The following CCSER1 variants were observed in gnomAD, a reference collection of about 807,000 sequenced individuals.
CCSER1 encodes the protein coiled-coil serine rich protein 1, also known as serine-rich coiled-coil domain-containing protein 1.
CCSER1 carries 41 observed loss-of-function variants against 82.0 expected under a neutral mutation model. The observed-to-expected ratio is 0.50, with a 90% CI of 0.39 to 0.65. The LOEUF is 0.65. CCSER1 is among the 30% of genes least tolerant of loss of function. CCSER1 has a pLI of 0.00. For missense variants in CCSER1, 1,119 were observed against 1,064.2 expected, an observed-to-expected ratio of 1.05 and a Z score of -0.72; for synonymous variants, 414 against 383.9, an observed-to-expected ratio of 1.08 and a Z score of -0.92.
chr4:91,518,032 T>C (rs763254474), intron 10 of CCSER1, among the ~76,000 whole-genome samples: 5 of 152,316 alleles, frequency 3.3e-5, no homozygotes, highest in Non-Finnish European at 7.3e-5. Flanking sequence ...TCCTCATGTT[T>C]GCAGCCATGC....
At chr4:91,049,714 C>A (rs1742830750) in intron 9 of CCSER1, among the ~76,000 whole-genome samples, 1 of 152,168 alleles carries the variant, frequency 6.6e-6, no homozygotes, top group South Asian at 2.1e-4. Context: ...CAGGAACTAG[C>A]ACTGAATCAT....
intron 5 of CCSER1, among the ~76,000 whole-genome samples, chr4:90,541,929 C>G (rs569575690): frequency 6.6e-6 from 1 of 152,114 alleles, no homozygotes; most frequent in East Asian, 1.9e-4. Flanking sequence ...TTAATTTCTT[C>G]AAGTTCTTCA....
At chr4:90,458,359 G>GT (rs543449056) in intron 4 of CCSER1, among the ~76,000 whole-genome samples, 11,848 of 146,742 alleles carry the variant, frequency 0.081, 595 homozygotes, top group African/African-American at 0.14. Context: ...GCCACAATAA[G>GT]TTTTTTTTTT....
At chr4:91,092,191 C>T (rs763841362) in intron 10 of CCSER1, among the ~76,000 whole-genome samples, 6 of 152,148 alleles carry the variant, frequency 3.9e-5, no homozygotes, top group South Asian at 2.1e-4. Context: ...GGTTGGTAGG[C>T]GGCATGTAGC....
At chr4:90,632,029 A>ACT (rs1275436998) in intron 6 of CCSER1, among the ~76,000 whole-genome samples, 1 of 152,146 alleles carries the variant, frequency 6.6e-6, no homozygotes, top group African/African-American at 2.4e-5. Flanking sequence ...GAGAAGGGGT[A>ACT]CTCGACCTGT....
chr4:91,426,897 T>C (rs1243395572), intron 10 of CCSER1, among the ~76,000 whole-genome samples: 1 of 152,172 alleles, frequency 6.6e-6, no homozygotes, highest in African/African-American at 2.4e-5. Context: ...CAGACACTCA[T>C]ATAAGTGATT....
At chr4:90,373,575 T>C (rs1338230844) in intron 3 of CCSER1, among the ~76,000 whole-genome samples, 1 of 152,198 alleles carries the variant, frequency 6.6e-6, no homozygotes, top group East Asian at 1.9e-4. Flanking sequence ...AATTAGGTCA[T>C]TTATTTAGTG....
chr4:90,414,673 G>A (rs371866391), intron 4 of CCSER1, among the ~76,000 whole-genome samples: 3 of 151,966 alleles, frequency 2.0e-5, no homozygotes, highest in African/African-American at 7.2e-5. Context: ...AGCGAGGTTC[G>A]TTAGATAAAC....
intron 10 of CCSER1, chr4:91,130,081 AAAAC>A (rs1459707565): frequency 6.6e-6 from 1 of 151,980 alleles, no homozygotes; most frequent in Non-Finnish European, 1.5e-5. Flanking sequence ...TTATTTAAGA[AAAAC>A]AAGCTCTAAT....
intron 3 of CCSER1, among the ~76,000 whole-genome samples, chr4:90,322,016 G>T (rs1226571953): frequency 6.6e-6 from 1 of 151,920 alleles, no homozygotes; most frequent in African/African-American, 2.4e-5. Context: ...TTATGCTTTG[G>T]TTGCCTGTGT....
At chr4:90,332,799 A>G (rs1739562185) in intron 3 of CCSER1, among the ~76,000 whole-genome samples, 1 of 152,198 alleles carries the variant, frequency 6.6e-6, no homozygotes, top group Non-Finnish European at 1.5e-5. Flanking sequence ...ATATTCTCTT[A>G]CATCAGAAAG....
intron 1 of CCSER1, among the ~76,000 whole-genome samples, chr4:90,223,427 T>C (rs907104308): frequency 2.0e-5 from 3 of 152,300 alleles, no homozygotes; most frequent in South Asian, 4.1e-4. Context: ...AGAGACCCAA[T>C]TGCATGGTAC....
chr4:91,521,799 G>T (rs1760487671), intron 10 of CCSER1, among the ~76,000 whole-genome samples: 1 of 152,200 alleles, frequency 6.6e-6, no homozygotes, highest in African/African-American at 2.4e-5. Context: ...CAGATGGGCA[G>T]ATTGCAAAAA....
Position 90,309,582 on chromosome 4 carries a change from A to G in CCSER1, c.1298A>G (p.His433Arg), listed in dbSNP as rs772767980. The change falls in exon 2 of 11, where the codon CAT becomes CGT. Residue 433 changes from histidine to arginine, a missense_variant. Physicochemically the swap from His to Arg is conservative, Grantham distance 29. Transcript: ENST00000509176. ...CATCATATTTTTAACAAAACATCACATGGATATGAAGCAAATCCTGCCAAA... is the reference window on the plus strand; with the variant it reads ...CATCATATTTTTAACAAAACATCACGTGGATATGAAGCAAATCCTGCCAAA... The part of the protein sequence containing the change: ...GDHHIFNKTS[H>R]GYEANPAKVL... 124 of 1,599,134 alleles carry G rather than the reference A, an allele frequency of 7.8e-5. No homozygotes were observed. Among genetic ancestry groups the G allele is most frequent in the Middle Eastern group, 3.5e-4 (2 of 5,796 alleles).
intron 4 of CCSER1, among the ~76,000 whole-genome samples, chr4:90,425,859 C>T (rs1757449532): frequency 6.6e-6 from 1 of 151,762 alleles, no homozygotes; most frequent in African/African-American, 2.4e-5. Context: ...TACTGTAGGC[C>T]CTAGGATTCT....
intron 7 of CCSER1, among the ~76,000 whole-genome samples, chr4:90,773,531 A>T (rs1015088691): frequency 3.9e-5 from 6 of 152,294 alleles, no homozygotes; most frequent in Admixed American, 3.9e-4. Context: ...GTTTAATAAG[A>T]CTACTCAGGA....
At chr4:90,831,746 A>T (rs1023614520) in intron 8 of CCSER1, among the ~76,000 whole-genome samples, 4 of 152,158 alleles carry the variant, frequency 2.6e-5, no homozygotes, top group African/African-American at 9.7e-5. Flanking sequence ...CAAAAGAATA[A>T]CCTTGACTAA....
intron 7 of CCSER1, among the ~76,000 whole-genome samples, chr4:90,751,289 A>G (rs968243142): frequency 2.6e-5 from 4 of 152,276 alleles, no homozygotes; most frequent in East Asian, 3.9e-4. Flanking sequence ...TAGCTTTTCA[A>G]TGTGTTCATG....
In CCSER1 at chr4:91,603,521, G is replaced by A. The variant is rs139080948; in HGVS notation, c.*4464G>A. 84 of 152,204 alleles carry A rather than the reference G, an allele frequency of 5.5e-4. No individual in the cohort carries two copies. Among genetic ancestry groups the A allele is most frequent in the African/African-American group, 1.9e-3 (77 of 41,552 alleles). 9.4% of individuals were successfully genotyped at this position (152,204 alleles called of 1,614,324 possible). The stretch of plus-strand genomic sequence containing the variant: ...GGTGAAATAAAATCATTAATAGAGA[G>A]TAGGTTCCTTCCATTTGAGTAAGTG... On this transcript the variant is annotated 3_prime_UTR_variant, in exon 11 of 11. Coordinates refer to ENST00000509176, the MANE Select transcript of CCSER1 (RefSeq NM_001145065.2).
Sources: allele counts gnomAD v4.1 joint callset (sites outside exome capture counted in the v4.1 genomes callset), GRCh38; gene constraint gnomAD v4.1.1; transcripts MANE v1.5; gene names NCBI Gene and HGNC (gene_info 2026-07-23, HGNC 2026-07-21).